The following GNPTAB variants were observed in gnomAD, a reference collection of about 807,000 sequenced individuals.
GNPTAB encodes the protein N-acetylglucosamine-1-phosphotransferase subunits alpha/beta.
A neutral mutation model predicts 136.6 loss-of-function variants in GNPTAB; 92 were observed. The ratio of observed to expected loss-of-function variants is 0.67; its 90% CI spans 0.57 to 0.80. GNPTAB has a LOEUF of 0.80. GNPTAB is among the 30% of genes least tolerant of loss of function. GNPTAB has a pLI of 0.00. For synonymous variants in GNPTAB, 512 were observed against 535.1 expected, an observed-to-expected ratio of 0.96 and a Z score of 0.60; for missense variants, 1,343 against 1,501.8, an observed-to-expected ratio of 0.89 and a Z score of 1.75.
chr12:101,768,256 C>G (rs997745179), intron 10 of GNPTAB, 96 bp from the exon 11 acceptor site: 17 of 1,395,990 alleles, frequency 1.2e-5, no homozygotes, highest in South Asian at 8.7e-5. Flanking sequence ...AATTAAGTCT[C>G]TAGAAAGATT....
At chr12:101,788,382 C>A (rs1566086661) in intron 4 of GNPTAB, among the ~76,000 whole-genome samples, 166 bp downstream of exon 4, 1 of 152,196 alleles carries the variant, frequency 6.6e-6, no homozygotes, top group Non-Finnish European at 1.5e-5. Flanking sequence ...CAACTATGCA[C>A]TCAGCACTGC....
At chr12:101,807,426 T>C (rs1400952907) in intron 1 of GNPTAB, among the ~76,000 whole-genome samples, 2 of 151,888 alleles carry the variant, frequency 1.3e-5, no homozygotes, top group East Asian at 3.9e-4. Context: ...GTACCTGAAG[T>C]CCTAGCTGAT....
intron 1 of GNPTAB, among the ~76,000 whole-genome samples, chr12:101,797,223 G>A (rs952902180): frequency 1.3e-5 from 2 of 152,116 alleles, no homozygotes; most frequent in African/African-American, 4.8e-5. Context: ...CCCTAAGCGT[G>A]ACGTGCCTTC....
chr12:101,812,988 T>G (rs11111042), intron 1 of GNPTAB, among the ~76,000 whole-genome samples: 106 of 87,696 alleles, frequency 1.2e-3, no homozygotes, highest in East Asian at 1.8e-3. Flanking sequence ...TTGTGTGTGT[T>G]TTTTTTTTTT....
rs143470320 is a variant in GNPTAB at position 101,753,185 on chromosome 12, G to A, written c.3602+187C>T. ...AGAAGAATCATTGTACCCAGGAGGC[G>A]GAGGTTGCAGTGAGCTGAGGTTGCG... On this transcript the variant is annotated intron_variant, in intron 19 of 20. Transcript: ENST00000299314. Among the ~76,000 whole-genome samples the A allele has an allele frequency of 0.012, 1,817 of 151,944 alleles. 44 individuals are homozygous for A. Among genetic ancestry groups the A allele is most frequent in the African/African-American group, 0.042 (1,721 of 41,448 alleles).
chr12:101,770,930 T>C, intron 8 of GNPTAB, 66 bp downstream of exon 8: 1 of 1,447,486 alleles, frequency 6.9e-7, no homozygotes, highest in Non-Finnish European at 9.7e-7. Context: ...TCTAATATAG[T>C]AACTTACACA....
intron 20 of GNPTAB, 122 bp downstream of exon 20, chr12:101,748,979 G>A (rs180737140): frequency 2.9e-6 from 2 of 690,352 alleles, no homozygotes; most frequent in East Asian, 5.2e-5. Context: ...TCACATATGA[G>A]CTATAAGACA....
intron 13 of GNPTAB, 81 bp from the exon 14 acceptor site, chr12:101,761,844 T>C (rs971492051): frequency 1.9e-6 from 2 of 1,028,186 alleles, no homozygotes; most frequent in Non-Finnish European, 3.0e-6. Flanking sequence ...TTATATAATG[T>C]GGTAATAACT....
chr12:101,825,669 C>A (rs918267288), intron 1 of GNPTAB, among the ~76,000 whole-genome samples: 3 of 141,382 alleles, frequency 2.1e-5, no homozygotes, highest in Non-Finnish European at 4.5e-5. Context: ...CTCTGTGTGG[C>A]CATTGGCATC....
chr12:101,790,621 G>T (rs2137151122), intron 2 of GNPTAB, among the ~76,000 whole-genome samples: 1 of 151,972 alleles, frequency 6.6e-6, no homozygotes, highest in East Asian at 1.9e-4. Flanking sequence ...TTTAAAATTA[G>T]CTGGGTATGG....
At chr12:101,819,489 G>C (rs1199510807) in intron 1 of GNPTAB, among the ~76,000 whole-genome samples, 1 of 152,060 alleles carries the variant, frequency 6.6e-6, no homozygotes, top group African/African-American at 2.4e-5. Flanking sequence ...CAGAAATGAA[G>C]TGAGAAAATG....
intron 2 of GNPTAB, among the ~76,000 whole-genome samples, chr12:101,795,225 AC>A (rs1322883004): frequency 6.6e-6 from 1 of 152,206 alleles, no homozygotes; most frequent in African/African-American, 2.4e-5. Context: ...TGAAACCTAT[AC>A]GCAGAAACTC....
At chr12:101,779,096 C>G (rs778276960) in intron 7 of GNPTAB, 5 of 151,978 alleles carry the variant, frequency 3.3e-5, no homozygotes, top group Non-Finnish European at 5.9e-5. Flanking sequence ...AAGACAGGAA[C>G]TAAGTAAAAA....
At chr12:101,810,723 A>C (rs899559471) in intron 1 of GNPTAB, 1 of 151,874 alleles carries the variant, frequency 6.6e-6, no homozygotes, top group Admixed American at 6.6e-5. Flanking sequence ...ACTGACACTA[A>C]AAGTATTATT....
In GNPTAB at chr12:101,764,657, T is replaced by C; in HGVS notation, c.2260A>G (p.Ile754Val). 3 of 1,613,106 alleles carry C rather than the reference T, an allele frequency of 1.9e-6. No homozygotes were observed. Among genetic ancestry groups the C allele is most frequent in the Non-Finnish European group, 2.5e-6 (3 of 1,179,786 alleles). The change falls in exon 13 of 21, where the codon ATA (isoleucine) becomes GTA (valine). Residue 754 changes from isoleucine to valine, a missense_variant. Ile to Val is a conservative substitution (Grantham distance 29). Transcript: ENST00000299314. ...QHAKIKNQAI[I>V]TDETNDSLVA... ...AAACTGTCATTTGTTTCATCTGTTA[T>C]TATAGCTTGATTTTTTATTTTAGCA...
intron 14 of GNPTAB, 71 bp from the exon 15 acceptor site, chr12:101,761,417 G>T (rs1172814731): frequency 6.7e-7 from 1 of 1,500,226 alleles, no homozygotes; most frequent in African/African-American, 1.4e-5. Flanking sequence ...TTGCAGAGAT[G>T]GACTTTTTTC....
At chr12:101,812,155 G>A (rs996272898) in intron 1 of GNPTAB, among the ~76,000 whole-genome samples, 1 of 152,070 alleles carries the variant, frequency 6.6e-6, no homozygotes, top group Non-Finnish European at 1.5e-5. Flanking sequence ...TGAGGCAGAA[G>A]AACTATTTGA....
At chr12:101,751,966 A>C (rs1050193582) in intron 19 of GNPTAB, among the ~76,000 whole-genome samples, 1 of 151,838 alleles carries the variant, frequency 6.6e-6, no homozygotes, top group African/African-American at 2.4e-5. Flanking sequence ...TAGAATAGTT[A>C]AATGAGAATG....
At chr12:101,818,271 C>T (rs1487289244) in intron 1 of GNPTAB, among the ~76,000 whole-genome samples, 1 of 152,154 alleles carries the variant, frequency 6.6e-6, no homozygotes, top group African/African-American at 2.4e-5. Context: ...GTGCTTGGCA[C>T]TGCATTCATC....
Sources: gnomAD v4.1 joint callset for allele counts (sites outside exome capture counted in the v4.1 genomes callset) on GRCh38, gnomAD v4.1.1 for gene constraint, MANE v1.5 for transcripts, NCBI Gene and HGNC (gene_info 2026-07-23, HGNC 2026-07-21) for gene names.